SNX29: variants seen among roughly 807,000 people sequenced by gnomAD.
The protein encoded by SNX29 is sorting nexin-29.
SNX29 carries 78 observed loss-of-function variants against 102.1 expected under a neutral mutation model. The observed-to-expected ratio is 0.76, with a 90% CI of 0.64 to 0.92. The LOEUF (loss-of-function observed/expected upper bound fraction) is 0.92. Ranked by LOEUF, SNX29 falls within the 40% of genes least tolerant of loss-of-function variation. The pLI, the probability that SNX29 is intolerant of heterozygous loss-of-function variation, is 0.00. For missense variants in SNX29, 1,280 were observed against 1,061.7 expected, an observed-to-expected ratio of 1.21 and a Z score of -2.86; for synonymous variants, 580 against 414.5, an observed-to-expected ratio of 1.40 and a Z score of -4.85.
chr16:12,071,311 T>TCCTAAAACCTAAA (rs1417362971), intron 10 of SNX29, among the ~76,000 whole-genome samples: 72 of 152,248 alleles, frequency 4.7e-4, no homozygotes, highest in Non-Finnish European at 9.1e-4. Flanking sequence ...AGGTCTAACA[T>TCCTAAAACCTAAA]GTAAGTCTTT....
rs371740529 is a variant in SNX29 at position 12,447,871 on chromosome 16, T to C, written c.2038-29848T>C. On this transcript the variant is annotated intron_variant, in intron 18 of 20. Coordinates refer to ENST00000566228, the MANE Select transcript of SNX29 (RefSeq NM_032167.5). ...CCCTCTCAACACACATCTGAGTGTC[T>C]CCATTGCTGGCACGGTTGTCAGGAA... Among the ~76,000 whole-genome samples, 33 of 152,254 alleles carry C rather than the reference T, an allele frequency of 2.2e-4. No homozygotes were observed. The Middle Eastern group carries it at 0.017, about 78-fold the overall frequency.
intron 11 of SNX29, among the ~76,000 whole-genome samples, chr16:12,125,023 G>T (rs2054143801): frequency 6.6e-6 from 1 of 152,154 alleles, no homozygotes. Flanking sequence ...TGGGCTGCGC[G>T]GCTCAGGGGA....
At position 12,491,943 on chromosome 16, in the gene SNX29, G is replaced by C. The variant is rs955747915; in HGVS notation, c.2178+14084G>C. 2.0e-5 allele frequency among the ~76,000 whole-genome samples: 3 copies of C among 152,136 alleles called. No individual in the cohort carries two copies. In the East Asian group the frequency reaches 5.8e-4, roughly 29 times the overall value. The stretch of plus-strand genomic sequence containing the variant: ...CCAGTCTATCGTTGTTGGACATTCG[G>C]GTTGGTTCCAAGTCTTTGCTATTGT... On this transcript the variant is annotated intron_variant, in intron 19 of 20. Coordinates refer to ENST00000566228, the MANE Select transcript of SNX29 (RefSeq NM_032167.5).
intron 16 of SNX29, among the ~76,000 whole-genome samples, chr16:12,381,393 A>AC (rs1224126296): frequency 7.2e-5 from 4 of 55,656 alleles, no homozygotes; most frequent in African/African-American, 2.2e-4. Flanking sequence ...CCACCCACTC[A>AC]TCATCCATCC....
chr16:11,989,021 G>A (rs2055741486), intron 1 of SNX29, among the ~76,000 whole-genome samples: 2 of 152,002 alleles, frequency 1.3e-5, no homozygotes, highest in South Asian at 4.2e-4. Context: ...CGCCCAGGCT[G>A]GAGTGTAGTG....
intron 15 of SNX29, among the ~76,000 whole-genome samples, chr16:12,322,000 G>T (rs983092571): frequency 2.6e-5 from 4 of 152,190 alleles, no homozygotes; most frequent in Admixed American, 2.6e-4. Context: ...TGAAGTCCAG[G>T]TAAGGGGGGA....
intron 19 of SNX29, among the ~76,000 whole-genome samples, chr16:12,491,762 A>G (rs1317685985): frequency 1.3e-5 from 2 of 151,672 alleles, no homozygotes; most frequent in East Asian, 1.9e-4. Flanking sequence ...TCCCACCTAT[A>G]AGTGAGAACA....
chr16:12,008,520 C>T (rs1004597782), intron 3 of SNX29, among the ~76,000 whole-genome samples: 9 of 152,204 alleles, frequency 5.9e-5, no homozygotes, highest in Admixed American at 4.6e-4. Flanking sequence ...CCTCCCGCCT[C>T]GGCCTCCCAA....
At chr16:12,192,607 G>T (rs1218870886) in intron 13 of SNX29, among the ~76,000 whole-genome samples, 1 of 152,212 alleles carries the variant, frequency 6.6e-6, no homozygotes, top group Non-Finnish European at 1.5e-5. Flanking sequence ...CAACTCCTGT[G>T]CTCAAGTGAT....
chr16:12,490,792 A>C (rs1221993166), intron 19 of SNX29, among the ~76,000 whole-genome samples: 2 of 152,264 alleles, frequency 1.3e-5, no homozygotes, highest in African/African-American at 4.8e-5. Flanking sequence ...GAAATGTTTC[A>C]GGTGTGCCCT....
intron 13 of SNX29, among the ~76,000 whole-genome samples, chr16:12,173,809 C>CA (rs1211730538): frequency 6.6e-6 from 1 of 152,208 alleles, no homozygotes; most frequent in African/African-American, 2.4e-5. Flanking sequence ...TATTTAGAGA[C>CA]AGAGTCTCAC....
rs868205656 is a variant in SNX29, at chr16:12,572,511, C to G, written c.*3882C>G. ...GGTTCCAGGCCTCGGCCTTCCTGCT[C>G]CACGTGCTCAAGCCCCCACAGGGGG... On this transcript the variant is annotated 3_prime_UTR_variant, in exon 21 of 21. Coordinates refer to ENST00000566228, the MANE Select transcript of SNX29 (RefSeq NM_032167.5). 53 of 1,063,996 alleles carry G rather than the reference C, an allele frequency of 5.0e-5. No individual in the cohort carries two copies. In the African/African-American group the frequency reaches 6.9e-4, roughly 14 times the overall value. 65.9% of individuals were successfully genotyped at this position (1,063,996 alleles called of 1,614,324 possible).
chr16:12,421,767 C>G (rs2084879921), intron 18 of SNX29, among the ~76,000 whole-genome samples: 1 of 152,100 alleles, frequency 6.6e-6, no homozygotes. Flanking sequence ...TCATCACCAT[C>G]ATTACCAGTT....
intron 19 of SNX29, among the ~76,000 whole-genome samples, chr16:12,481,281 C>T (rs752345166): frequency 6.6e-5 from 10 of 151,978 alleles, no homozygotes; most frequent in Admixed American, 2.6e-4. Flanking sequence ...CCACCCAGTT[C>T]GTGAGCAGTC....
At chr16:12,556,139 G>C (rs1484493728) in intron 20 of SNX29, among the ~76,000 whole-genome samples, 1 of 152,148 alleles carries the variant, frequency 6.6e-6, no homozygotes, top group Non-Finnish European at 1.5e-5. Context: ...CAAAGTGATG[G>C]TTGGAGTGGT....
intron 11 of SNX29, among the ~76,000 whole-genome samples, chr16:12,123,207 A>G (rs947687524): frequency 1.4e-4 from 21 of 152,162 alleles, no homozygotes; most frequent in Admixed American, 1.2e-3. Context: ...GTATCTCTGT[A>G]TTTCGTTATG....
rs897504943 is a variant in SNX29, at chr16:12,098,640, G to T, written c.1402+19725G>T. On this transcript the variant is annotated intron_variant, in intron 11 of 20. Transcript: ENST00000566228. This position sits in a 1 kb window ranked among gnomAD's most constrained non-coding sequence, Gnocchi z 6.0. ...CCTCCCCTCTCCTCCTCTTTTGCCT[G>T]GGTCGTGCTTATTCATCCTGTAAGA... 2.0e-5 allele frequency among the ~76,000 whole-genome samples: 3 copies of T among 152,190 alleles called. No individual in the cohort carries two copies. Among genetic ancestry groups the T allele is most frequent in the African/African-American group, 7.2e-5 (3 of 41,444 alleles).
rs182415935 is a variant in SNX29 at position 12,309,307 on chromosome 16, C to T, written c.1782+31271C>T. On this transcript the variant is annotated intron_variant, in intron 15 of 20. Coordinates refer to ENST00000566228, the MANE Select transcript of SNX29 (RefSeq NM_032167.5). ...AGTTGGGGAGATGCACAGATAGGGG[C>T]TACCTATCTAGCCTCCCAATGCAAC... is the stretch of plus-strand genomic sequence containing the variant. Among the ~76,000 whole-genome samples the T allele has an allele frequency of 3.3e-3, 503 of 152,290 alleles. 9 individuals are homozygous for T. The highest frequency in any genetic ancestry group is 4.2e-3 in the Admixed American group (64 of 15,300).
chr16:12,550,353 G>A (rs1696258928), intron 20 of SNX29, among the ~76,000 whole-genome samples: 1 of 152,118 alleles, frequency 6.6e-6, no homozygotes, highest in South Asian at 2.1e-4. Flanking sequence ...TAGCCAACAA[G>A]AGGAAAACCC....
Sources: gnomAD v4.1 joint callset for allele counts (sites outside exome capture counted in the v4.1 genomes callset) on GRCh38, gnomAD v4.1.1 for gene constraint, Gnocchi (gnomAD v3.1) non-coding constraint, MANE v1.5 for transcripts, NCBI Gene and HGNC (gene_info 2026-07-23, HGNC 2026-07-21) for gene names.